The following ITSN1 variants were observed in gnomAD, a reference collection of about 807,000 sequenced individuals.
ITSN1 encodes the protein intersectin-1.
A neutral mutation model predicts 239.8 loss-of-function variants in ITSN1; 58 were observed. The ratio of observed to expected loss-of-function variants is 0.24; its 90% CI spans 0.20 to 0.30. The LOEUF is 0.30. Ranked by LOEUF, ITSN1 falls within the 10% of genes least tolerant of loss-of-function variation. The probability of loss-of-function intolerance (pLI) is 1.00; values close to 1 mark genes in which losing one functional copy is unlikely to be tolerated. For synonymous variants in ITSN1, 780 were observed against 770.8 expected, an observed-to-expected ratio of 1.01 and a Z score of -0.20; for missense variants, 1,558 against 2,103.3, an observed-to-expected ratio of 0.74 and a Z score of 5.07.
rs527734461 is a variant in ITSN1 at position 33,832,453 on chromosome 21, T to C, written c.3352-1854T>C. On this transcript the variant is annotated intron_variant, in intron 27 of 39. Transcript: ENST00000381318. ...GTCCCCACACCTCTAGCACTGTGCTTAAGTGAGTGTTTGAGTGGTTCTTAG... is the reference window on the plus strand; with the variant it reads ...GTCCCCACACCTCTAGCACTGTGCTCAAGTGAGTGTTTGAGTGGTTCTTAG... Among the ~76,000 whole-genome samples, 83 of 152,294 alleles carry C rather than the reference T, an allele frequency of 5.4e-4. 1 individual carries two copies. In the South Asian group the frequency reaches 0.016, roughly 29 times the overall value.
At chr21:33,821,286 A>G (rs570353937) in intron 24 of ITSN1, among the ~76,000 whole-genome samples, 40 of 868 alleles carry the variant, frequency 0.046, no homozygotes, top group African/African-American at 0.17. Flanking sequence ...GTTTGTATTT[A>G]TTACAGCCAA....
intron 16 of ITSN1, among the ~76,000 whole-genome samples, chr21:33,787,953 G>C (rs951661230): frequency 2.6e-5 from 4 of 152,136 alleles, no homozygotes; most frequent in Non-Finnish European, 4.4e-5. Flanking sequence ...TGCCATACCA[G>C]TAGGCTGCTT....
chr21:33,828,740 T>C (rs2074116948), intron 26 of ITSN1, among the ~76,000 whole-genome samples: 1 of 152,126 alleles, frequency 6.6e-6, no homozygotes, highest in Admixed American at 6.5e-5. Flanking sequence ...CTTCTAGAAG[T>C]TCAGAAAGCA....
At chr21:33,821,701 A>G (rs2073686994) in intron 24 of ITSN1, among the ~76,000 whole-genome samples, 1 of 152,174 alleles carries the variant, frequency 6.6e-6, no homozygotes, top group Non-Finnish European at 1.5e-5. Context: ...TTATACTGCA[A>G]TACCAAGTTC....
At chr21:33,752,297 AG>A (rs1309941035) in intron 7 of ITSN1, among the ~76,000 whole-genome samples, 1 of 152,142 alleles carries the variant, frequency 6.6e-6, no homozygotes, top group Non-Finnish European at 1.5e-5. Flanking sequence ...TGAAGATTGG[AG>A]TTATAGTTGG....
intron 16 of ITSN1, among the ~76,000 whole-genome samples, chr21:33,785,040 G>A (rs1021112332): frequency 1.3e-5 from 2 of 152,134 alleles, no homozygotes; most frequent in African/African-American, 4.8e-5. Flanking sequence ...AAGCCAGCTG[G>A]AGAGTACAGA....
intron 29 of ITSN1, among the ~76,000 whole-genome samples, chr21:33,844,323 G>A (rs1392846394): frequency 1.3e-5 from 2 of 152,196 alleles, no homozygotes; most frequent in Non-Finnish European, 2.9e-5. Context: ...GGCCACCAGG[G>A]AAAATGGAAT....
chr21:33,776,700 A>AT (rs2069656896), intron 14 of ITSN1, among the ~76,000 whole-genome samples: 1 of 152,048 alleles, frequency 6.6e-6, no homozygotes. Context: ...ATTGGCGAGT[A>AT]TTTTTTACTG....
chr21:33,882,770 C>T lies in ITSN1; in HGVS notation c.4554+315C>T, dbSNP rs149263000. On this transcript the variant is annotated intron_variant, in intron 35 of 39. Coordinates refer to ENST00000381318, the MANE Select transcript of ITSN1 (RefSeq NM_003024.3). This position sits in a 1 kb window ranked among gnomAD's most constrained non-coding sequence, Gnocchi z 4.5. ...CAGATGAGGCAGGTGTGAAAAAGCT[C>T]GGGAGAAGAGGTGCAAAACAGCACC... 5.9e-5 allele frequency among the ~76,000 whole-genome samples: 9 copies of T among 152,168 alleles called. No homozygotes were observed. In the East Asian group the frequency reaches 7.7e-4, roughly 13 times the overall value.
chr21:33,880,039 C>A (rs1984645740), intron 34 of ITSN1, among the ~76,000 whole-genome samples: 1 of 152,170 alleles, frequency 6.6e-6, no homozygotes, highest in African/African-American at 2.4e-5. Context: ...GATGGCTGTC[C>A]TTCTTGGTCA....
chr21:33,717,722 ATT>A (rs776218924), intron 1 of ITSN1, among the ~76,000 whole-genome samples: 200 of 137,648 alleles, frequency 1.5e-3, no homozygotes, highest in African/African-American at 4.3e-3. Context: ...CGCCCAGCTA[ATT>A]TTTTTTGTGT....
In ITSN1 at chr21:33,782,884, G is replaced by C. The variant is rs1176104753; in HGVS notation, c.1824+751G>C. Among the ~76,000 whole-genome samples, 4 of 152,190 alleles carry C rather than the reference G, an allele frequency of 2.6e-5. No homozygotes were observed. In the East Asian group the frequency reaches 7.7e-4, roughly 29 times the overall value. ...ACTAAAAATACAAAAAATTAGCCGG[G>C]CATGGTGGTGGGCGCCTGTAGTCCC... On this transcript the variant is annotated intron_variant, in intron 16 of 39. Transcript: ENST00000381318.
At chr21:33,706,368 T>G (rs2092247567) in intron 1 of ITSN1, among the ~76,000 whole-genome samples, 1 of 152,114 alleles carries the variant, frequency 6.6e-6, no homozygotes, top group African/African-American at 2.4e-5. Context: ...CCAGACATTT[T>G]CCCCACTTAT....
Position 33,819,235 on chromosome 21 carries a change from T to C in ITSN1, c.2934-6T>C. Reference sequence around the variant, plus strand: ...ATTAAAATACTCTCTTCTTCCATTATTGCAGCATGGATTCTGGTTCTTCAG... The same window carrying C: ...ATTAAAATACTCTCTTCTTCCATTACTGCAGCATGGATTCTGGTTCTTCAG... On this transcript the variant is annotated splice_polypyrimidine_tract_variant and splice_region_variant and intron_variant, in intron 23 of 39. Coordinates refer to ENST00000381318, the MANE Select transcript of ITSN1 (RefSeq NM_003024.3). 1.2e-6 allele frequency: 2 copies of C among 1,606,234 alleles called. No homozygotes were observed. The highest frequency in any genetic ancestry group is 1.7e-6 in the Non-Finnish European group (2 of 1,173,770).
At chr21:33,841,137 T>C (rs1268127722) in intron 29 of ITSN1, among the ~76,000 whole-genome samples, 2 of 152,180 alleles carry the variant, frequency 1.3e-5, no homozygotes, top group East Asian at 3.9e-4. Context: ...ATCTAACCAT[T>C]ACATGCATGG....
At chr21:33,801,917 C>T (rs998138669) in intron 19 of ITSN1, among the ~76,000 whole-genome samples, 4 of 152,188 alleles carry the variant, frequency 2.6e-5, no homozygotes, top group African/African-American at 9.7e-5. Context: ...GTTTCCTACA[C>T]CGTGGTTTCT....
At chr21:33,805,661 G>GT (rs1206360892) in intron 20 of ITSN1, among the ~76,000 whole-genome samples, 1 of 151,906 alleles carries the variant, frequency 6.6e-6, no homozygotes, top group African/African-American at 2.4e-5. Flanking sequence ...TTTAGAAAGA[G>GT]TTTTTTTGTT....
intron 1 of ITSN1, among the ~76,000 whole-genome samples, chr21:33,659,485 G>A (rs2089369913): frequency 6.6e-6 from 1 of 152,088 alleles, no homozygotes; most frequent in Non-Finnish European, 1.5e-5. Context: ...CTTGATTTGG[G>A]GAGTCTGCAC....
rs150106338 is a variant in ITSN1, at chr21:33,823,952, G to A, written c.3183+299G>A. Among the ~76,000 whole-genome samples the A allele has an allele frequency of 3.3e-5, 5 of 152,260 alleles. No homozygotes were observed. In the East Asian group the frequency reaches 5.8e-4, roughly 18 times the overall value. ...CTCTTCCTGCCTGTAACTGACTTAC[G>A]CTTTGGAGTAAACTTTCTTGATTAG... is the stretch of plus-strand genomic sequence containing the variant. On this transcript the variant is annotated intron_variant, in intron 25 of 39. Transcript: ENST00000381318.
Sources: gnomAD v4.1 joint callset for allele counts (sites outside exome capture counted in the v4.1 genomes callset) on GRCh38, gnomAD v4.1.1 for gene constraint, Gnocchi (gnomAD v3.1) non-coding constraint, MANE v1.5 for transcripts, NCBI Gene and HGNC (gene_info 2026-07-23, HGNC 2026-07-21) for gene names.